The following CDK19 variants were observed in gnomAD, a reference collection of about 807,000 sequenced individuals.
CDK19 encodes the protein cyclin-dependent kinase 19.
CDK19 carries 20 observed loss-of-function variants against 68.3 expected under a neutral mutation model. That is an observed-to-expected ratio of 0.29 (90% CI 0.21 to 0.43). The LOEUF is 0.43. Among genes scored for constraint, CDK19 ranks in the 20% least tolerant of loss-of-function variants. The probability of loss-of-function intolerance (pLI) is 1.00; values close to 1 mark genes in which losing one functional copy is unlikely to be tolerated. For synonymous variants in CDK19, 221 were observed against 222.8 expected (o/e 0.99, Z 0.07); for missense variants, 339 against 623.5 (o/e 0.54, Z 4.86).
chr6:110,749,824 G>A lies in CDK19; in HGVS notation c.129-3623C>T, dbSNP rs1447003092. On this transcript the variant is annotated intron_variant, in intron 1 of 12. Coordinates refer to ENST00000368911, the MANE Select transcript of CDK19 (RefSeq NM_015076.5). The stretch of plus-strand genomic sequence containing the variant: ...GTCTTGCTCTGTTGCTCAGGCTGGA[G>A]TGCAGTGGCATGATCTCAGTTCAGT... Among the ~76,000 whole-genome samples the A allele has an allele frequency of 2.8e-5, 3 of 108,144 alleles. 1 individual carries two copies. The highest frequency in any genetic ancestry group is 9.7e-5 in the African/African-American group (3 of 30,800). 70.9% of individuals were successfully genotyped at this position (108,144 alleles called of 152,430 possible).
chr6:110,814,431 T>C lies in CDK19; in HGVS notation c.128+578A>G, dbSNP rs141678952. 2.0e-5 allele frequency among the ~76,000 whole-genome samples: 3 copies of C among 152,292 alleles called. No individual in the cohort carries two copies. The East Asian group carries it at 5.8e-4, about 29-fold the overall frequency. On this transcript the variant is annotated intron_variant, in intron 1 of 12. Transcript: ENST00000368911. ...ATACAACAGGGATGGGAGGACTGCATAGAGAAGCCAACGGGCCGGCCAGCC... is the reference window on the plus strand; with the variant it reads ...ATACAACAGGGATGGGAGGACTGCACAGAGAAGCCAACGGGCCGGCCAGCC...
intron 1 of CDK19, among the ~76,000 whole-genome samples, chr6:110,799,675 G>T (rs1385170722): frequency 6.6e-6 from 1 of 151,960 alleles, no homozygotes; most frequent in East Asian, 1.9e-4. Context: ...TCGGCTCACT[G>T]CAGCCTCAAC....
At chr6:110,637,686 G>T (rs1354317252) in intron 5 of CDK19, among the ~76,000 whole-genome samples, 1 of 152,188 alleles carries the variant, frequency 6.6e-6, no homozygotes, top group Non-Finnish European at 1.5e-5. Context: ...TCTAGTAAAA[G>T]AAACCAGAAT....
At chr6:110,665,814 A>G (rs1262461044) in intron 4 of CDK19, among the ~76,000 whole-genome samples, 2 of 152,096 alleles carry the variant, frequency 1.3e-5, no homozygotes, top group Non-Finnish European at 1.5e-5. Context: ...CAGTGATCTC[A>G]GCTCACTGCA....
intron 2 of CDK19, among the ~76,000 whole-genome samples, chr6:110,735,424 C>A (rs1181175936): frequency 6.6e-6 from 1 of 151,944 alleles, no homozygotes; most frequent in East Asian, 1.9e-4. Flanking sequence ...ATTAACAGCC[C>A]ACTTTGTTCC....
chr6:110,799,605 T>G (rs1583131444), intron 1 of CDK19, among the ~76,000 whole-genome samples: 1 of 135,026 alleles, frequency 7.4e-6, no homozygotes, highest in Admixed American at 7.0e-5. Context: ...TTTTTTCTAA[T>G]TTTTTTTTTG....
Position 110,670,494 on chromosome 6 carries a change from C to T in CDK19, c.252G>A (p.Val84=), listed in dbSNP as rs777848234. 5 of 1,613,492 alleles carry T rather than the reference C, an allele frequency of 3.1e-6. No individual in the cohort carries two copies. In the South Asian group the frequency reaches 4.4e-5, roughly 14 times the overall value. The stretch of plus-strand genomic sequence containing the variant: ...CCTTCCTGTCACTGTGAGAAAGGAA[C>T]ACCTTCTGCAATGCAATCACATTAG... ...KHPNVIALQK[V]FLSHSDRKVW... Residue 84 remains valine, a synonymous_variant, in exon 3 of 13, where the codon GTG becomes GTA. Transcript: ENST00000368911.
At chr6:110,744,011 G>GTTTTTTTTTTTTT (rs5879078) in intron 2 of CDK19, among the ~76,000 whole-genome samples, 3 of 113,358 alleles carry the variant, frequency 2.6e-5, no homozygotes, top group Admixed American at 1.1e-4. Context: ...ACCTCCCCAC[G>GTTTTTTTTTTTTT]TTTTTTTTTT....
intron 2 of CDK19, among the ~76,000 whole-genome samples, chr6:110,726,334 G>A (rs1381122763): frequency 6.6e-6 from 1 of 152,142 alleles, no homozygotes; most frequent in Non-Finnish European, 1.5e-5. Flanking sequence ...CCTTGTCCCA[G>A]AAAATCAGAA....
chr6:110,743,781 A>C (rs1400607337), intron 2 of CDK19, among the ~76,000 whole-genome samples: 1 of 152,196 alleles, frequency 6.6e-6, no homozygotes, highest in Non-Finnish European at 1.5e-5. Context: ...GACATTTATA[A>C]TTGAGTTATC....
intron 1 of CDK19, among the ~76,000 whole-genome samples, chr6:110,807,566 T>G (rs548025661): frequency 5.2e-4 from 79 of 152,204 alleles, no homozygotes; most frequent in African/African-American, 1.9e-3. Context: ...TTCAAGCAAT[T>G]ATTGTGCCTT....
chr6:110,801,520 T>TG (rs1323102224), intron 1 of CDK19, among the ~76,000 whole-genome samples: 31 of 146,306 alleles, frequency 2.1e-4, no homozygotes, highest in African/African-American at 2.8e-4. Flanking sequence ...TTTTTGTGTG[T>TG]TTTTTTTTTG....
chr6:110,645,099 A>G (rs1014286705), intron 4 of CDK19, among the ~76,000 whole-genome samples: 1 of 152,210 alleles, frequency 6.6e-6, no homozygotes, highest in Admixed American at 6.5e-5. Context: ...GATACAATTA[A>G]CTAGGATGAT....
At chr6:110,765,290 G>A (rs1347324968) in intron 1 of CDK19, among the ~76,000 whole-genome samples, 1 of 152,064 alleles carries the variant, frequency 6.6e-6, no homozygotes, top group African/African-American at 2.4e-5. Context: ...TAGGAAGAAG[G>A]ATCACTTGAG....
At chr6:110,757,127 G>C (rs542668531) in intron 1 of CDK19, among the ~76,000 whole-genome samples, 1 of 152,010 alleles carries the variant, frequency 6.6e-6, no homozygotes, top group Non-Finnish European at 1.5e-5. Context: ...AACCACACAC[G>C]GGCAGAGAGA....
At chr6:110,693,144 C>T (rs776935938) in intron 2 of CDK19, among the ~76,000 whole-genome samples, 2 of 152,302 alleles carry the variant, frequency 1.3e-5, no homozygotes, top group East Asian at 1.9e-4. Context: ...GACAGAACAG[C>T]GTGTGGAGAC....
intron 1 of CDK19, among the ~76,000 whole-genome samples, chr6:110,795,049 A>T (rs1317664330): frequency 6.6e-6 from 1 of 152,108 alleles, no homozygotes; most frequent in Non-Finnish European, 1.5e-5. Flanking sequence ...AGCTCACTGT[A>T]GCCTCAACTT....
At chr6:110,675,960 A>G (rs1771495546) in intron 2 of CDK19, among the ~76,000 whole-genome samples, 1 of 152,204 alleles carries the variant, frequency 6.6e-6, no homozygotes, top group South Asian at 2.1e-4. Context: ...AATACATTTC[A>G]TGAAGCTATA....
rs1779133744 is a variant in CDK19, at chr6:110,627,029, T to A, written c.763A>T (p.Ile255Leu). Residue 255 changes from isoleucine to leucine, a missense_variant, in exon 7 of 13, where the codon ATA (isoleucine) becomes TTA (leucine). Ile to Leu is a conservative substitution (Grantham distance 5). Coordinates refer to ENST00000368911, the MANE Select transcript of CDK19 (RefSeq NM_015076.5). The stretch of plus-strand genomic sequence containing the variant: ...GCAGGAAACCCCATGACACTAAATA[T>A]CCGATCCAGTTGATCATGATGAAAG... ...NPFHHDQLDR[I>L]FSVMGFPADK... The A allele has an allele frequency of 6.2e-7, 1 of 1,612,486 alleles. No individual in the cohort carries two copies. The highest frequency in any genetic ancestry group is 1.3e-5 in the African/African-American group (1 of 74,858).
Sources: allele counts gnomAD v4.1 joint callset (sites outside exome capture counted in the v4.1 genomes callset), GRCh38; gene constraint gnomAD v4.1.1; transcripts MANE v1.5; gene names NCBI Gene and HGNC (gene_info 2026-07-23, HGNC 2026-07-21).